IGF2BP2: variants seen among roughly 807,000 people sequenced by gnomAD.
IGF2BP2 encodes insulin-like growth factor 2 mRNA-binding protein 2.
In IGF2BP2, 17 loss-of-function variants were observed where a neutral mutation model predicts 75.8. The ratio of observed to expected loss-of-function variants is 0.22; its 90% CI spans 0.15 to 0.34. IGF2BP2 has a LOEUF of 0.34. Among genes scored for constraint, IGF2BP2 ranks in the 10% least tolerant of loss-of-function variants. The probability of loss-of-function intolerance (pLI) is 1.00; values close to 1 mark genes in which losing one functional copy is unlikely to be tolerated. For missense variants in IGF2BP2, 516 were observed against 772.4 expected, an observed-to-expected ratio of 0.67 and a Z score of 3.93; for synonymous variants, 288 against 295.6, an observed-to-expected ratio of 0.97 and a Z score of 0.26.
intron 11 of IGF2BP2, 141 bp downstream of exon 11, chr3:185,658,200 C>A (rs1360010388): frequency 1.2e-6 from 1 of 817,304 alleles, no homozygotes; most frequent in East Asian, 2.6e-5. Context: ...CGTGCTCAGG[C>A]TTTGAGGTGT....
rs1314619108 is a variant in IGF2BP2 at position 185,643,244 on chromosome 3, T to A, written c.*2287A>T. On this transcript the variant is annotated 3_prime_UTR_variant, in exon 16 of 16. Coordinates refer to ENST00000382199, the MANE Select transcript of IGF2BP2 (RefSeq NM_006548.6). Reference sequence around the variant, plus strand: ...TACTAGTGAGCTTCCCGTGGAGGCGTGAAGTGCCTCTTCCCGGAACTGCCG... The same window carrying A: ...TACTAGTGAGCTTCCCGTGGAGGCGAGAAGTGCCTCTTCCCGGAACTGCCG... Among the ~76,000 whole-genome samples the A allele has an allele frequency of 6.6e-6, 1 of 152,216 alleles. No homozygotes were observed. Among genetic ancestry groups the A allele is most frequent in the Middle Eastern group, 3.2e-3 (1 of 316 alleles).
chr3:185,807,990 T>C (rs1578377149), intron 2 of IGF2BP2, among the ~76,000 whole-genome samples: 1 of 152,118 alleles, frequency 6.6e-6, no homozygotes, highest in East Asian at 1.9e-4. Flanking sequence ...AATGTTTTTG[T>C]TTTAATTAGC....
chr3:185,745,026 T>C (rs138273951), intron 2 of IGF2BP2, among the ~76,000 whole-genome samples: 1 of 152,272 alleles, frequency 6.6e-6, no homozygotes, highest in African/African-American at 2.4e-5. Flanking sequence ...GAAAGTAACA[T>C]CGTGTGGAGG....
intron 2 of IGF2BP2, among the ~76,000 whole-genome samples, chr3:185,758,741 G>A (rs1349504898): frequency 6.6e-6 from 1 of 152,180 alleles, no homozygotes; most frequent in Non-Finnish European, 1.5e-5. Context: ...TAAAGGCTAG[G>A]TAATGTGGAA....
chr3:185,644,325 T>C lies in IGF2BP2; in HGVS notation c.*1206A>G, dbSNP rs1332622975. 6.6e-6 allele frequency: 1 copy of C among 152,554 alleles called. No individual in the cohort carries two copies. The highest frequency in any genetic ancestry group is 6.6e-5 in the Admixed American group (1 of 15,266). The allele number at this position is 152,554 out of a possible 1,614,324, so 9.5% of individuals were successfully genotyped here. A position where few individuals can be genotyped will look rare whatever the true frequency, so the allele number is the denominator to read the frequency against. On this transcript the variant is annotated 3_prime_UTR_variant, in exon 16 of 16. Transcript: ENST00000382199. ...TCTACTTTCCTCCACATTTTTTTTT[T>C]TTAAAGAAAGGAATCATTTTGCTGA...
chr3:185,708,274 C>T (rs1217161627), intron 2 of IGF2BP2, among the ~76,000 whole-genome samples: 3 of 152,140 alleles, frequency 2.0e-5, no homozygotes, highest in African/African-American at 7.2e-5. Context: ...ACAAAATTTA[C>T]ATTTCAGGCA....
intron 2 of IGF2BP2, among the ~76,000 whole-genome samples, chr3:185,709,018 A>T (rs1266663016): frequency 2.6e-5 from 4 of 152,192 alleles, no homozygotes; most frequent in Non-Finnish European, 1.5e-5. Context: ...GTGATTAGTC[A>T]CCCTTACATG....
chr3:185,696,217 C>A (rs557045474), intron 4 of IGF2BP2, among the ~76,000 whole-genome samples: 2 of 152,288 alleles, frequency 1.3e-5, no homozygotes, highest in Non-Finnish European at 2.9e-5. Context: ...GAGTCCTATT[C>A]ATTGGGTAAC....
At chr3:185,774,319 G>A (rs1172883602) in intron 2 of IGF2BP2, among the ~76,000 whole-genome samples, 1 of 152,170 alleles carries the variant, frequency 6.6e-6, no homozygotes, top group Non-Finnish European at 1.5e-5. Context: ...AAACAGGCCG[G>A]GCATGGTGGT....
At chr3:185,761,837 G>A (rs1013000304) in intron 2 of IGF2BP2, among the ~76,000 whole-genome samples, 2 of 152,192 alleles carry the variant, frequency 1.3e-5, no homozygotes, top group African/African-American at 4.8e-5. Context: ...GCTTCAGAAC[G>A]TGAAAGCACA....
At chr3:185,687,272 A>G (rs2149307155) in intron 6 of IGF2BP2, 81 bp from the exon 7 acceptor site, 4 of 1,405,772 alleles carry the variant, frequency 2.8e-6, no homozygotes, top group Admixed American at 2.4e-5. Context: ...ACACCAACCC[A>G]TGTACAGCAA....
chr3:185,708,882 T>A (rs1036069341), intron 2 of IGF2BP2, among the ~76,000 whole-genome samples: 7 of 152,220 alleles, frequency 4.6e-5, no homozygotes, highest in African/African-American at 1.7e-4. Context: ...GAGCCAAACA[T>A]CTGCATGCCT....
At chr3:185,804,677 T>A (rs9843367) in intron 2 of IGF2BP2, among the ~76,000 whole-genome samples, 6,683 of 152,062 alleles carry the variant, frequency 0.044, 475 homozygotes, top group African/African-American at 0.15. Flanking sequence ...CTTGAATCAA[T>A]GAGGCCTCAA....
At chr3:185,739,179 G>T (rs759129654) in intron 2 of IGF2BP2, among the ~76,000 whole-genome samples, 1 of 152,090 alleles carries the variant, frequency 6.6e-6, no homozygotes, top group Non-Finnish European at 1.5e-5. Flanking sequence ...GGATTACAAC[G>T]GTGGACTTAA....
chr3:185,775,114 C>CA (rs1734382783), intron 2 of IGF2BP2, among the ~76,000 whole-genome samples: 1 of 152,048 alleles, frequency 6.6e-6, no homozygotes, highest in Non-Finnish European at 1.5e-5. Flanking sequence ...TCTATGGTCT[C>CA]AGTTTCTTTA....
chr3:185,796,030 C>T (rs1488938958), intron 2 of IGF2BP2, among the ~76,000 whole-genome samples: 1 of 152,178 alleles, frequency 6.6e-6, no homozygotes, highest in Non-Finnish European at 1.5e-5. Context: ...GGATAACTTT[C>T]TAGTAATATC....
At chr3:185,796,300 C>T (rs13100823) in intron 2 of IGF2BP2, among the ~76,000 whole-genome samples, 59,083 of 151,744 alleles carry the variant, frequency 0.39, 12,439 homozygotes, top group African/African-American at 0.57. Flanking sequence ...TGGTGGCTCA[C>T]GCCTGTAATC....
chr3:185,678,877 T>C (rs932271006), intron 7 of IGF2BP2, among the ~76,000 whole-genome samples: 2 of 152,196 alleles, frequency 1.3e-5, no homozygotes, highest in African/African-American at 2.4e-5. Context: ...TTGTATAACG[T>C]CCCTCTTTGT....
chr3:185,707,629 T>G (rs1724232393), intron 2 of IGF2BP2, among the ~76,000 whole-genome samples: 1 of 152,092 alleles, frequency 6.6e-6, no homozygotes, highest in African/African-American at 2.4e-5. Flanking sequence ...TAGTGGTGAA[T>G]AGCTCAACTA....
Sources: gnomAD v4.1 joint callset for allele counts (sites outside exome capture counted in the v4.1 genomes callset) on GRCh38, gnomAD v4.1.1 for gene constraint, MANE v1.5 for transcripts, NCBI Gene and HGNC (gene_info 2026-07-23, HGNC 2026-07-21) for gene names.